The following ATF3 variants were observed in gnomAD, a reference collection of about 807,000 sequenced individuals.
The protein encoded by ATF3 is cyclic AMP-dependent transcription factor ATF-3.
ATF3 carries 10 observed loss-of-function variants against 18.4 expected under a neutral mutation model. The ratio of observed to expected loss-of-function variants is 0.54; its 90% CI spans 0.34 to 0.92. The LOEUF (loss-of-function observed/expected upper bound fraction) is 0.92, where lower values mean the gene tolerates loss of function less well. Ranked by LOEUF, ATF3 falls within the 40% of genes least tolerant of loss-of-function variation. The pLI is 0.02. For missense variants in ATF3, 183 were observed against 222.3 expected (o/e 0.82, Z 1.12); for synonymous variants, 78 against 87.9 (o/e 0.89, Z 0.63).
upstream of ATF3, among the ~76,000 whole-genome samples, chr1:212,607,045 T>A (rs1654648666): frequency 6.6e-6 from 1 of 151,762 alleles, no homozygotes; most frequent in South Asian, 2.1e-4. Flanking sequence ...TCTCGGAGGA[T>A]CCCGCGTGGA....
intron 1 of ATF3, among the ~76,000 whole-genome samples, chr1:212,609,380 G>GTT (rs1238551598): frequency 1.1e-5 from 1 of 89,546 alleles, no homozygotes; most frequent in Non-Finnish European, 2.3e-5. Context: ...CCGGGTGGGG[G>GTT]GGGGGGGGCG....
intron 1 of ATF3, among the ~76,000 whole-genome samples, chr1:212,598,752 GA>G: frequency 6.6e-6 from 1 of 152,282 alleles, no homozygotes; most frequent in South Asian, 2.1e-4. Flanking sequence ...CTAACATAAA[GA>G]CCTTCAGTTT....
At chr1:212,596,154 G>T (rs926085905) in intron 1 of ATF3, among the ~76,000 whole-genome samples, 2 of 152,140 alleles carry the variant, frequency 1.3e-5, no homozygotes, top group African/African-American at 4.8e-5. Context: ...TTTAACATGA[G>T]AAAAAATAGT....
intron 1 of ATF3, among the ~76,000 whole-genome samples, chr1:212,614,362 T>C (rs540203990): frequency 1.7e-4 from 26 of 152,108 alleles, no homozygotes; most frequent in Non-Finnish European, 3.8e-4. Context: ...CCCCATCCCC[T>C]GCCAAAGACT....
intron 1 of ATF3, among the ~76,000 whole-genome samples, chr1:212,595,538 C>A (rs1664974911): frequency 6.6e-6 from 1 of 152,250 alleles, no homozygotes; most frequent in African/African-American, 2.4e-5. Context: ...ACCCAATGCA[C>A]AGGGACCGGA....
intron 1 of ATF3, among the ~76,000 whole-genome samples, chr1:212,589,061 TGA>T (rs1341724936): frequency 6.6e-6 from 1 of 152,184 alleles, no homozygotes; most frequent in Non-Finnish European, 1.5e-5. Context: ...ACCCAGGTCA[TGA>T]GAGAGAGTCT....
intron 1 of ATF3, among the ~76,000 whole-genome samples, chr1:212,583,068 GC>G (rs561188554): frequency 3.0e-4 from 45 of 152,290 alleles, no homozygotes; most frequent in African/African-American, 1.0e-3. Flanking sequence ...CTAGGGGAGA[GC>G]ATAGGCTGTC....
intron 1 of ATF3, among the ~76,000 whole-genome samples, chr1:212,603,169 C>T (rs1483634837): frequency 6.6e-6 from 1 of 152,190 alleles, no homozygotes; most frequent in Non-Finnish European, 1.5e-5. Flanking sequence ...ACTCATGTCA[C>T]CAAACTGGCA....
intron 1 of ATF3, chr1:212,613,419 C>T (rs1654976748): frequency 6.6e-6 from 1 of 152,178 alleles, no homozygotes; most frequent in African/African-American, 2.4e-5. Context: ...GGGCATGAAT[C>T]CTGGAGCCAA....
chr1:212,618,391 G>A lies in ATF3; in HGVS notation c.348+157G>A. The A allele has an allele frequency of 1.3e-6, 1 of 786,372 alleles. No individual in the cohort carries two copies. Among genetic ancestry groups the A allele is most frequent in the Non-Finnish European group, 2.3e-6 (1 of 442,884 alleles). The allele number at this position is 786,372 out of a possible 1,614,324, so 48.7% of individuals were successfully genotyped here. A position where few individuals can be genotyped will look rare whatever the true frequency, so the allele number is the denominator to read the frequency against. On this transcript the variant is annotated intron_variant, in intron 3 of 3. Coordinates refer to ENST00000341491, the MANE Select transcript of ATF3 (RefSeq NM_001674.4). The surrounding 1 kb of genome is among the most constrained non-coding windows in gnomAD (Gnocchi z 4.4). ...GCAGAAATGCCAGTTGCAGAATGAG[G>A]AGGTGGCAAAGCAGTTAACACAATG...
At chr1:212,615,955 G>A (rs11571546) in intron 2 of ATF3, among the ~76,000 whole-genome samples, 1,604 of 151,440 alleles carry the variant, frequency 0.011, 22 homozygotes, top group African/African-American at 0.036. Context: ...GCACCCAGCC[G>A]GGGTTGCTGT....
intron 1 of ATF3, among the ~76,000 whole-genome samples, chr1:212,570,589 G>A (rs1035776097): frequency 2.0e-5 from 3 of 152,104 alleles, no homozygotes; most frequent in Non-Finnish European, 2.9e-5. Context: ...CCATCATCCC[G>A]GAAAGCTCCC....
chr1:212,576,326 T>C (rs1476906847), intron 1 of ATF3, among the ~76,000 whole-genome samples: 1 of 152,086 alleles, frequency 6.6e-6, no homozygotes, highest in East Asian at 1.9e-4. Flanking sequence ...TGTGTTTTTC[T>C]CATTTTTATT....
intron 1 of ATF3, among the ~76,000 whole-genome samples, chr1:212,586,020 T>C (rs1664773278): frequency 6.6e-6 from 1 of 152,196 alleles, no homozygotes; most frequent in South Asian, 2.1e-4. Context: ...CCCAAAATTG[T>C]TGGGTCCTCC....
At chr1:212,605,659 C>A (rs1172785640), upstream of ATF3, among the ~76,000 whole-genome samples, 2 of 152,236 alleles carry the variant, frequency 1.3e-5, no homozygotes, top group Admixed American at 1.3e-4. Context: ...TGGCTCCCTG[C>A]AATGTTTTTC....
chr1:212,618,878 C>T lies in ATF3; in HGVS notation c.349-480C>T. The T allele has an allele frequency of 1.2e-6, 1 of 839,840 alleles. No individual in the cohort carries two copies. The highest frequency in any genetic ancestry group is 1.9e-6 in the Non-Finnish European group (1 of 521,782). The allele number at this position is 839,840 out of a possible 1,614,324, so 52.0% of individuals were successfully genotyped here. On this transcript the variant is annotated intron_variant, in intron 3 of 3. Transcript: ENST00000341491. This position sits in a 1 kb window ranked among gnomAD's most constrained non-coding sequence, Gnocchi z 4.4. ...TGGACAGGCCATGACAGAGTCTTAG[C>T]CCAAGTCCCACAGATCCCCAAAAGT...
chr1:212,592,289 G>A (rs1205315953), intron 1 of ATF3, among the ~76,000 whole-genome samples: 1 of 151,940 alleles, frequency 6.6e-6, no homozygotes, highest in Non-Finnish European at 1.5e-5. Context: ...TGTTTTCAAC[G>A]TTCATCTAAG....
At chr1:212,616,225 G>T (rs1655117144) in intron 2 of ATF3, among the ~76,000 whole-genome samples, 1 of 151,972 alleles carries the variant, frequency 6.6e-6, no homozygotes, top group South Asian at 2.1e-4. Flanking sequence ...TCAAAGTGAG[G>T]TGGGAAACCA....
chr1:212,614,988 A>T, intron 1 of ATF3, 30 bp from the exon 2 acceptor site: 1 of 1,614,152 alleles, frequency 6.2e-7, no homozygotes, highest in Non-Finnish European at 8.5e-7. Flanking sequence ...AGAGCCCCTG[A>T]AACAGTTTGG....
Sources: gnomAD v4.1 joint callset for allele counts (sites outside exome capture counted in the v4.1 genomes callset) on GRCh38, gnomAD v4.1.1 for gene constraint, Gnocchi (gnomAD v3.1) non-coding constraint, MANE v1.5 for transcripts, NCBI Gene and HGNC (gene_info 2026-07-23, HGNC 2026-07-21) for gene names.